IQGAP3: variants seen among roughly 807,000 people sequenced by gnomAD.
The protein encoded by IQGAP3 is IQ motif containing GTPase activating protein 3.
A neutral mutation model predicts 208.2 loss-of-function variants in IQGAP3; 165 were observed. That is an observed-to-expected ratio of 0.79 (90% CI 0.70 to 0.90). IQGAP3 has a LOEUF of 0.90. IQGAP3 is among the 40% of genes least tolerant of loss of function. IQGAP3 has a pLI of 0.00. For synonymous variants in IQGAP3, 703 were observed against 803.6 expected (o/e 0.87, Z 2.12); for missense variants, 1,811 against 2,043.1 (o/e 0.89, Z 2.19).
chr1:156,534,786 G>A, intron 28 of IQGAP3, 53 bp from the exon 29 acceptor site: 2 of 1,316,744 alleles, frequency 1.5e-6, no homozygotes, highest in Non-Finnish European at 2.0e-6. Context: ...CTTGACTGGT[G>A]CGGCCCCACA....
In IQGAP3 at chr1:156,534,691, C is replaced by G. The variant is rs1408333695; in HGVS notation, c.3550G>C (p.Val1184Leu). Residue 1184 changes from valine to leucine, a missense_variant, in exon 29 of 38, where the codon GTG (valine) becomes CTG (leucine). Physicochemically the swap from Val to Leu is conservative, Grantham distance 32. Coordinates refer to ENST00000361170, the MANE Select transcript of IQGAP3 (RefSeq NM_178229.5). Reference sequence around the variant, plus strand: ...ATGTCGAAGGCGTCAGGAGCCACCACAGCTGGGTTCAGGAAGCGGTAGTAC... The same window carrying G: ...ATGTCGAAGGCGTCAGGAGCCACCAGAGCTGGGTTCAGGAAGCGGTAGTAC... ...LLYYRFLNPAVVAPDAFDIVA... is the reference protein window; with the variant it reads ...LLYYRFLNPALVAPDAFDIVA... 6.2e-7 allele frequency: 1 copy of G among 1,607,478 alleles called. No individual in the cohort carries two copies. The highest frequency in any genetic ancestry group is 2.2e-5 in the East Asian group (1 of 44,768).
Position 156,554,252 on chromosome 1 carries a change from T to G in IQGAP3, c.1431A>C (p.Glu477Asp), listed in dbSNP as rs1675710358. The G allele has an allele frequency of 2.5e-6, 4 of 1,609,348 alleles. No individual in the cohort carries two copies. The highest frequency in any genetic ancestry group is 3.4e-6 in the Non-Finnish European group (4 of 1,178,646). The part of the protein sequence containing the change: ...VNPATGLAEV[E>D]GENAQRYFDA... The stretch of plus-strand genomic sequence containing the variant: ...TTTCTCACCGCTGGGCATTTTCTCC[T>G]TCCACCTCAGCCAGGCCTGTGGCAG... The change falls in exon 13 of 38, where the codon GAA becomes GAC. Residue 477 changes from glutamate to aspartate, a missense_variant. Physicochemically the swap from Glu to Asp is conservative, Grantham distance 45 (BLOSUM62 2). Transcript: ENST00000361170.
intron 24 of IQGAP3, 95 bp from the exon 25 acceptor site, chr1:156,539,632 T>A: frequency 1.5e-6 from 2 of 1,377,596 alleles, no homozygotes; most frequent in South Asian, 2.5e-5. Context: ...AAATCTGGAA[T>A]GGAGAAAGCA....
At chr1:156,543,754 G>C (rs550321507) in intron 22 of IQGAP3, among the ~76,000 whole-genome samples, 1 of 144,498 alleles carries the variant, frequency 6.9e-6, no homozygotes, top group African/African-American at 2.8e-5. Flanking sequence ...ATCTAAGCCT[G>C]TTCCAAAAAG....
At chr1:156,541,804 AG>A (rs1483391949) in intron 22 of IQGAP3, among the ~76,000 whole-genome samples, 2 of 152,234 alleles carry the variant, frequency 1.3e-5, no homozygotes, top group African/African-American at 4.8e-5. Context: ...CAGTGTAGTT[AG>A]CACTTTGAGA....
At chr1:156,539,646 CCA>C in intron 24 of IQGAP3, 109 bp from the exon 25 acceptor site, 2 of 1,266,912 alleles carry the variant, frequency 1.6e-6, no homozygotes, top group Non-Finnish European at 2.2e-6. Flanking sequence ...GAAAGCACTA[CCA>C]CACTTTCTCC....
rs779442782 is a variant in IQGAP3 at position 156,565,982 on chromosome 1, T to C, written c.360+45A>G. On this transcript the variant is annotated intron_variant, in intron 4 of 37. Coordinates refer to ENST00000361170, the MANE Select transcript of IQGAP3 (RefSeq NM_178229.5). ...AAAGCATGGGATTGTGGGAGGTGGC[T>C]GGTAAGGAGTAAAGATGAATACCAA... 10 of 1,416,768 alleles carry C rather than the reference T, an allele frequency of 7.1e-6. 1 individual carries two copies. The East Asian group carries it at 2.0e-4, about 29-fold the overall frequency. The allele number at this position is 1,416,768 out of a possible 1,614,324, so 87.8% of individuals were successfully genotyped here. A position where few individuals can be genotyped will look rare whatever the true frequency, so the allele number is the denominator to read the frequency against.
At chr1:156,561,463 AG>A (rs11285294) in intron 10 of IQGAP3, among the ~76,000 whole-genome samples, 146,452 of 152,282 alleles carry the variant, frequency 0.96, 70,687 homozygotes, top group East Asian at 1. Context: ...CACAGTGCCC[AG>A]CCCTATTAAC....
chr1:156,568,677 C>G (rs1027982876), intron 2 of IQGAP3, among the ~76,000 whole-genome samples: 2 of 152,208 alleles, frequency 1.3e-5, no homozygotes, highest in Non-Finnish European at 2.9e-5. Flanking sequence ...CACACGCCAC[C>G]ATGCCTGGCT....
At position 156,531,266 on chromosome 1, in the gene IQGAP3, G is replaced by T; in HGVS notation, c.4104-19C>A. 2 of 1,601,800 alleles carry T rather than the reference G, an allele frequency of 1.2e-6. No homozygotes were observed. The highest frequency in any genetic ancestry group is 2.2e-5 in the East Asian group (1 of 44,788). Reference sequence around the variant, plus strand: ...CTTGGTGCTGCACAAGGAGGACAGTGACAGAGGAGAGGTAAGGGGCAGGGG... The same window carrying T: ...CTTGGTGCTGCACAAGGAGGACAGTTACAGAGGAGAGGTAAGGGGCAGGGG... On this transcript the variant is annotated intron_variant, in intron 32 of 37. Transcript: ENST00000361170.
At chr1:156,541,224 C>G (rs1674961238) in intron 22 of IQGAP3, among the ~76,000 whole-genome samples, 1 of 151,996 alleles carries the variant, frequency 6.6e-6, no homozygotes, top group Admixed American at 6.5e-5. Flanking sequence ...AGCCACAGCT[C>G]CCTCTGATTA....
chr1:156,569,611 C>T (rs914910893), intron 1 of IQGAP3, 148 bp from the exon 2 acceptor site: 18 of 416,100 alleles, frequency 4.3e-5, no homozygotes, highest in Non-Finnish European at 6.1e-5. Context: ...CTCCGCCTCC[C>T]GGGTTCATGC....
chr1:156,544,402 T>C lies in IQGAP3; in HGVS notation c.2375A>G (p.Asp792Gly), dbSNP rs373827251. 61 of 1,613,644 alleles carry C rather than the reference T, an allele frequency of 3.8e-5. No individual in the cohort carries two copies. The highest frequency in any genetic ancestry group is 4.9e-5 in the Non-Finnish European group (58 of 1,179,666). Residue 792 changes from aspartate to glycine, a missense_variant, in exon 20 of 38, where the codon GAT becomes GGT. Asp to Gly is a moderately conservative substitution (Grantham distance 94, BLOSUM62 -1). Coordinates refer to ENST00000361170, the MANE Select transcript of IQGAP3 (RefSeq NM_178229.5). ...EWLQYFKANL[D>G]AIIKIQAWAR... ...CACCGTAGCTACCTTGATTATGGCA[T>C]CCAGGTTTGCTTTAAAATACTGCAA... is the stretch of plus-strand genomic sequence containing the variant.
In IQGAP3 at chr1:156,572,564, T is replaced by A. The variant is rs1425700983; in HGVS notation, c.-35A>T. On this transcript the variant is annotated 5_prime_UTR_variant, in exon 1 of 38. Transcript: ENST00000361170. ...TCTTCCAGGTTTGAATCTCCCGCCG[T>A]TGGGCCACCGCCCCTCACCGTCGGC... is the stretch of plus-strand genomic sequence containing the variant. 5 of 1,611,238 alleles carry A rather than the reference T, an allele frequency of 3.1e-6. No homozygotes were observed. The highest frequency in any genetic ancestry group is 2.5e-6 in the Non-Finnish European group (3 of 1,178,438).
chr1:156,546,521 A>G (rs11577838), intron 19 of IQGAP3, among the ~76,000 whole-genome samples: 1 of 152,190 alleles, frequency 6.6e-6, no homozygotes, highest in African/African-American at 2.4e-5. Context: ...AATACAGATC[A>G]CTAAAGTTCT....
At position 156,554,484 on chromosome 1, in the gene IQGAP3, CAG is replaced by C. The variant is rs1186276581; in HGVS notation, c.1291-94_1291-93del. 21 of 1,290,478 alleles carry C rather than the reference CAG, an allele frequency of 1.6e-5. No individual in the cohort carries two copies. The East Asian group carries it at 4.7e-4, about 29-fold the overall frequency. The allele number at this position is 1,290,478 out of a possible 1,614,324, so 79.9% of individuals were successfully genotyped here. A position where few individuals can be genotyped will look rare whatever the true frequency, so the allele number is the denominator to read the frequency against. On this transcript the variant is annotated intron_variant, in intron 12 of 37. Coordinates refer to ENST00000361170, the MANE Select transcript of IQGAP3 (RefSeq NM_178229.5). ...CTGCCCCCAAGGTTCTTGAATATCC[CAG>C]AGTCTCTATCCCAAAACCCCAGTGG...
At chr1:156,572,368 G>T in intron 1 of IQGAP3, 125 bp downstream of exon 1, 1 of 1,033,770 alleles carries the variant, frequency 9.7e-7, no homozygotes, top group Non-Finnish European at 1.5e-6. Context: ...GTCCCACTGA[G>T]CAGTCCCACC....
chr1:156,566,463 T>C lies in IQGAP3; in HGVS notation c.209A>G (p.Lys70Arg), dbSNP rs765360932. 1 of 1,614,134 alleles carries C rather than the reference T, an allele frequency of 6.2e-7. No individual in the cohort carries two copies. Among genetic ancestry groups the C allele is most frequent in the Non-Finnish European group, 8.5e-7 (1 of 1,180,010 alleles). Residue 70 changes from lysine to arginine, a missense_variant, in exon 3 of 38, where the codon AAG becomes AGG. Physicochemically the swap from Lys to Arg is conservative, Grantham distance 26. Transcript: ENST00000361170. ...GGAGGGTGCAAAACAGTGGCCTAGC[T>C]TGGCCAGCAGCACTCCATTCCGAAG... ...ESLRNGVLLA[K>R]LGHCFAPSVV...
Position 156,569,398 on chromosome 1 carries a change from A to G in IQGAP3, c.103T>C (p.Cys35Arg), listed in dbSNP as rs893507508. The change falls in exon 2 of 38, where the codon TGC (cysteine) becomes CGC (arginine). Residue 35 changes from cysteine to arginine, a missense_variant. Coordinates refer to ENST00000361170, the MANE Select transcript of IQGAP3 (RefSeq NM_178229.5). ...CACCGCTTGGCCTCCTCCAGCCGGC[A>G]CAGGTACTGATAGGCAACATTCTGC... is the stretch of plus-strand genomic sequence containing the variant. ...RRQNVAYQYLCRLEEAKRWME... is the reference protein window; with the variant it reads ...RRQNVAYQYLRRLEEAKRWME... 2.5e-6 allele frequency: 4 copies of G among 1,613,590 alleles called. No homozygotes were observed. Among genetic ancestry groups the G allele is most frequent in the Admixed American group, 1.7e-5 (1 of 59,988 alleles).
Sources: gnomAD v4.1 joint callset for allele counts (sites outside exome capture counted in the v4.1 genomes callset) on GRCh38, gnomAD v4.1.1 for gene constraint, MANE v1.5 for transcripts, NCBI Gene and HGNC (gene_info 2026-07-23, HGNC 2026-07-21) for gene names.